The following CYTH3 variants were observed in gnomAD, a reference collection of about 807,000 sequenced individuals.
CYTH3 encodes the protein cytohesin-3.
A neutral mutation model predicts 55.1 loss-of-function variants in CYTH3; 23 were observed. That is an observed-to-expected ratio of 0.42 (90% CI 0.30 to 0.59). The LOEUF (loss-of-function observed/expected upper bound fraction) is 0.59. Ranked by LOEUF, CYTH3 falls within the 20% of genes least tolerant of loss-of-function variation. The pLI, the probability that CYTH3 is intolerant of heterozygous loss-of-function variation, is 0.20. For synonymous variants in CYTH3, 249 were observed against 194.9 expected (o/e 1.28, Z -2.31); for missense variants, 413 against 524.8 (o/e 0.79, Z 2.08).
At chr7:6,202,732 T>TACA in intron 1 of CYTH3, among the ~76,000 whole-genome samples, 1 of 152,314 alleles carries the variant, frequency 6.6e-6, no homozygotes, top group Middle Eastern at 3.4e-3. Flanking sequence ...GTGCTGGGAT[T>TACA]ACAGGCGTGA....
chr7:6,171,311 C>T lies in CYTH3; in HGVS notation c.453G>A (p.Gln151=). The part of the protein sequence containing the change: ...ADLNLVQALR[Q]FLWSFRLPGE... ...CGGGCAGCCTGAAGCTCCATAAGAA[C>T]TGCCTGTGGAGACACCAAAGCCATG... The change falls in exon 7 of 13, where the codon CAG becomes CAA. Residue 151 remains glutamine (Q), a synonymous_variant. Transcript: ENST00000350796. This position sits in a 1 kb window ranked among gnomAD's most constrained non-coding sequence, Gnocchi z 6.7. 6.2e-7 allele frequency: 1 copy of T among 1,614,136 alleles called. No individual in the cohort carries two copies. The highest frequency in any genetic ancestry group is 8.5e-7 in the Non-Finnish European group (1 of 1,179,992).
intron 1 of CYTH3, among the ~76,000 whole-genome samples, chr7:6,231,578 A>G (rs1033765332): frequency 1.3e-5 from 2 of 152,260 alleles, no homozygotes; most frequent in Admixed American, 6.5e-5. Context: ...GGAGAAATGT[A>G]TGTATCAAAC....
chr7:6,204,432 G>A (rs1462756459), intron 1 of CYTH3, among the ~76,000 whole-genome samples: 4 of 152,182 alleles, frequency 2.6e-5, no homozygotes, highest in African/African-American at 9.7e-5. Context: ...AGAGAGCAGT[G>A]AAGCAGAAGT....
chr7:6,165,118 G>C, intron 12 of CYTH3, 102 bp from the exon 13 acceptor site: 2 of 1,568,874 alleles, frequency 1.3e-6, no homozygotes, highest in African/African-American at 1.4e-5. Context: ...CGCAGGCTCA[G>C]ATCTGAACGT....
At chr7:6,168,108 CT>C (rs1397328275) in intron 9 of CYTH3, among the ~76,000 whole-genome samples, 1 of 152,168 alleles carries the variant, frequency 6.6e-6, no homozygotes, top group Non-Finnish European at 1.5e-5. Flanking sequence ...GCCACTTTCT[CT>C]CTGTAAGTTT....
At chr7:6,256,001 G>T (rs907414086) in intron 1 of CYTH3, among the ~76,000 whole-genome samples, 88 of 152,156 alleles carry the variant, frequency 5.8e-4, no homozygotes, top group African/African-American at 2.0e-3. Context: ...CTGACCTCGT[G>T]ATCCACCCAC....
chr7:6,259,799 A>ATAATATATATAT (rs1780282119), intron 1 of CYTH3, among the ~76,000 whole-genome samples: 1 of 25,000 alleles, frequency 4.0e-5, no homozygotes, highest in Non-Finnish European at 5.4e-5. Flanking sequence ...ATATATATAT[A>ATAATATATATAT]TATATATATA....
In CYTH3 at chr7:6,170,646, T is replaced by G. The variant is rs369539860; in HGVS notation, c.712A>C (p.Asn238His). 2 of 1,613,260 alleles carry G rather than the reference T, an allele frequency of 1.2e-6. No homozygotes were observed. The highest frequency in any genetic ancestry group is 1.7e-6 in the Non-Finnish European group (2 of 1,179,578). Residue 238 changes from asparagine (N) to histidine (H), a missense_variant and splice_region_variant, in exon 9 of 13, where the codon AAT becomes CAT. Coordinates refer to ENST00000350796, the MANE Select transcript of CYTH3 (RefSeq NM_004227.4). The surrounding 1 kb of genome is among the most constrained non-coding windows in gnomAD (Gnocchi z 7.8). Reference protein sequence around the residue: ...GGDLPEELLRNLYESIKNEPF... With the variant: ...GGDLPEELLRHLYESIKNEPF... ...TCGTTCTTAATGCTCTCATACAAAT[T>G]CTGCAAGGAGGGAAAACAGCAGCCA...
At chr7:6,197,117 C>T (rs189227339) in intron 1 of CYTH3, among the ~76,000 whole-genome samples, 1 of 152,254 alleles carries the variant, frequency 6.6e-6, no homozygotes, top group African/African-American at 2.4e-5. Context: ...CCTAAAATAC[C>T]TTTTAATCGG....
At chr7:6,239,265 G>C (rs1779611185) in intron 1 of CYTH3, among the ~76,000 whole-genome samples, 1 of 152,022 alleles carries the variant, frequency 6.6e-6, no homozygotes, top group African/African-American at 2.4e-5. Context: ...GGAGAGAAGA[G>C]GGAAATGGAA....
At chr7:6,233,194 C>A (rs963999971) in intron 1 of CYTH3, among the ~76,000 whole-genome samples, 1 of 152,130 alleles carries the variant, frequency 6.6e-6, no homozygotes, top group African/African-American at 2.4e-5. Flanking sequence ...ATACTCAATG[C>A]CAGCTAGACA....
At chr7:6,192,507 C>T (rs1298739544) in intron 1 of CYTH3, among the ~76,000 whole-genome samples, 1 of 150,840 alleles carries the variant, frequency 6.6e-6, no homozygotes, top group Non-Finnish European at 1.5e-5. Context: ...AGATGTGAGC[C>T]ACTGTGCCCA....
chr7:6,225,242 TA>T (rs1779218685), intron 1 of CYTH3, among the ~76,000 whole-genome samples: 1 of 152,194 alleles, frequency 6.6e-6, no homozygotes, highest in Non-Finnish European at 1.5e-5. Flanking sequence ...GACATGTAAA[TA>T]TTTACTATCA....
At chr7:6,184,907 T>C (rs1783598244) in intron 4 of CYTH3, among the ~76,000 whole-genome samples, 1 of 152,164 alleles carries the variant, frequency 6.6e-6, no homozygotes, top group African/African-American at 2.4e-5. Flanking sequence ...AAATAAGTAT[T>C]TATTTGTATG....
chr7:6,179,195 G>A (rs555489728), intron 4 of CYTH3, among the ~76,000 whole-genome samples: 2 of 152,174 alleles, frequency 1.3e-5, no homozygotes, highest in Non-Finnish European at 2.9e-5. Context: ...AGACTCTACA[G>A]CCATGAAATG....
Position 6,170,941 on chromosome 7 carries a change from G to A in CYTH3, c.600C>T (p.Leu200=). The change falls in exon 8 of 13, where the codon CTC becomes CTT. Residue 200 remains leucine, a synonymous_variant. Transcript: ENST00000350796. The surrounding 1 kb of genome is among the most constrained non-coding windows in gnomAD (Gnocchi z 7.8). ...CGTTGTGGTTGTGGAGGCTGGTGTT[G>A]AGCATGATGATGGCGAATGACAGCA... is the stretch of plus-strand genomic sequence containing the variant. ...CYVLSFAIIM[L]NTSLHNHNVR... 6.2e-7 allele frequency: 1 copy of A among 1,614,032 alleles called. No homozygotes were observed. Among genetic ancestry groups the A allele is most frequent in the Non-Finnish European group, 8.5e-7 (1 of 1,179,940 alleles).
rs186390825 is a variant in CYTH3 at position 6,267,162 on chromosome 7, C to G, written c.34+5312G>C. On this transcript the variant is annotated intron_variant, in intron 1 of 12. Coordinates refer to ENST00000350796, the MANE Select transcript of CYTH3 (RefSeq NM_004227.4). ...ATTATGAGTAAAAAGCTCCCTGAGG[C>G]CTCCCCAGGAGCCGAGCAGATGCTG... is the stretch of plus-strand genomic sequence containing the variant. Among the ~76,000 whole-genome samples the G allele has an allele frequency of 3.9e-5, 6 of 152,364 alleles. No homozygotes were observed. The East Asian group carries it at 9.6e-4, about 24-fold the overall frequency.
intron 1 of CYTH3, among the ~76,000 whole-genome samples, chr7:6,230,957 AT>A (rs1779378869): frequency 6.6e-6 from 1 of 152,204 alleles, no homozygotes; most frequent in East Asian, 1.9e-4. Flanking sequence ...GAAATCAGTG[AT>A]TTTGTGGCTC....
chr7:6,209,182 T>C lies in CYTH3; in HGVS notation c.35-18651A>G, dbSNP rs577751952. ...CTGCGCCTTTAGGCACAGCGTCTTT[T>C]ACCTAACCGCTCTATGCCTCAGTTT... is the stretch of plus-strand genomic sequence containing the variant. On this transcript the variant is annotated intron_variant, in intron 1 of 12. Transcript: ENST00000350796. 4.6e-5 allele frequency among the ~76,000 whole-genome samples: 7 copies of C among 152,380 alleles called. 1 individual carries two copies. The highest frequency in any genetic ancestry group is 4.6e-4 in the Admixed American group (7 of 15,312).
Sources: allele counts gnomAD v4.1 joint callset (sites outside exome capture counted in the v4.1 genomes callset), GRCh38; gene constraint gnomAD v4.1.1; non-coding constraint Gnocchi (gnomAD v3.1); transcripts MANE v1.5; gene names NCBI Gene and HGNC (gene_info 2026-07-23, HGNC 2026-07-21).